Variants in TNFAIP6 observed in about 807,000 individuals in gnomAD.
TNFAIP6 encodes the protein TNF alpha induced protein 6, also known as tumor necrosis factor-inducible gene 6 protein.
TNFAIP6 carries 36 observed loss-of-function variants against 33.7 expected under a neutral mutation model. That is an observed-to-expected ratio of 1.07 (90% CI 0.82 to 1.41). The LOEUF is 1.41. TNFAIP6 is among the 40% of genes most tolerant of loss of function. TNFAIP6 has a pLI of 0.00. For synonymous variants in TNFAIP6, 113 were observed against 112.8 expected, an observed-to-expected ratio of 1.00 and a Z score of -0.01; for missense variants, 273 against 331.9, an observed-to-expected ratio of 0.82 and a Z score of 1.38.
At chr2:151,359,580 G>A (rs990314619) in intron 1 of TNFAIP6, among the ~76,000 whole-genome samples, 32 of 152,146 alleles carry the variant, frequency 2.1e-4, no homozygotes, top group Non-Finnish European at 3.8e-4. Context: ...AGTAGAGACA[G>A]AGTTTCACCA....
At chr2:151,374,165 A>T (rs562946586) in intron 5 of TNFAIP6, among the ~76,000 whole-genome samples, 257 of 152,340 alleles carry the variant, frequency 1.7e-3, no homozygotes, top group African/African-American at 5.9e-3. Flanking sequence ...GGATCTTTTA[A>T]TATGCTAATC....
chr2:151,361,650 A>G (rs1159476930), intron 1 of TNFAIP6, among the ~76,000 whole-genome samples: 1 of 152,214 alleles, frequency 6.6e-6, no homozygotes, highest in Non-Finnish European at 1.5e-5. Context: ...AAGAAATTCA[A>G]AATATTCACT....
intron 5 of TNFAIP6, 48 bp from the exon 6 acceptor site, chr2:151,379,316 T>C: frequency 6.6e-7 from 1 of 1,524,228 alleles, no homozygotes; most frequent in Non-Finnish European, 8.8e-7. Context: ...GTCAGCCAAA[T>C]CAAAGGAGAG....
At chr2:151,369,173 G>C (rs1327986973) in intron 3 of TNFAIP6, among the ~76,000 whole-genome samples, 1 of 152,010 alleles carries the variant, frequency 6.6e-6, no homozygotes, top group Non-Finnish European at 1.5e-5. Context: ...CTGGGCAACA[G>C]AGTGAGACTC....
At chr2:151,368,741 C>T (rs189697238) in intron 3 of TNFAIP6, among the ~76,000 whole-genome samples, 23 of 151,964 alleles carry the variant, frequency 1.5e-4, no homozygotes, top group East Asian at 1.4e-3. Flanking sequence ...AAGTCTCTTG[C>T]GATCATGAAA....
intron 5 of TNFAIP6, 140 bp from the exon 6 acceptor site, chr2:151,379,224 G>A (rs2152020141): frequency 1.3e-6 from 1 of 766,998 alleles, no homozygotes; most frequent in Non-Finnish European, 2.0e-6. Flanking sequence ...AGACTCTTCA[G>A]CTTGAGAATC....
chr2:151,380,289 T>C (rs1684992334), downstream of TNFAIP6, among the ~76,000 whole-genome samples: 1 of 152,178 alleles, frequency 6.6e-6, no homozygotes, highest in African/African-American at 2.4e-5. Context: ...ATCTTCTCTA[T>C]TGATTTGTTA....
At chr2:151,375,997 G>A (rs1480848238) in intron 5 of TNFAIP6, among the ~76,000 whole-genome samples, 6 of 152,122 alleles carry the variant, frequency 3.9e-5, no homozygotes, top group African/African-American at 1.4e-4. Context: ...TGTAATTCTA[G>A]CATTTTGTGA....
chr2:151,379,282 A>G (rs1390868274), intron 5 of TNFAIP6, 82 bp from the exon 6 acceptor site: 4 of 1,253,664 alleles, frequency 3.2e-6, no homozygotes, highest in Admixed American at 2.6e-5. Flanking sequence ...ATATTCTCCT[A>G]TGAGAATGAA....
chr2:151,373,422 A>T, intron 4 of TNFAIP6, 127 bp from the exon 5 acceptor site: 1 of 457,464 alleles, frequency 2.2e-6, no homozygotes. Context: ...GTAAAATAAC[A>T]ATAGAAATTT....
rs1684705803 is a variant in TNFAIP6, at chr2:151,366,166, A to G, written c.343A>G (p.Ile115Val). The G allele has an allele frequency of 6.2e-7, 1 of 1,614,036 alleles. No homozygotes were observed. The highest frequency in any genetic ancestry group is 8.5e-7 in the Non-Finnish European group (1 of 1,179,998). The change falls in exon 3 of 6, where the codon ATC (isoleucine) becomes GTC (valine). Residue 115 changes from isoleucine to valine, a missense_variant. Coordinates refer to ENST00000243347, the MANE Select transcript of TNFAIP6 (RefSeq NM_007115.4). ...AAAAACTGGCATTATTGATTATGGA[A>G]TCCGTCTCAATAGGAGTGAAAGATG... The part of the protein sequence containing the change: ...FGKTGIIDYG[I>V]RLNRSERWDA...
In TNFAIP6 at chr2:151,364,052, C is replaced by A. The variant is rs763538732; in HGVS notation, c.204C>A (p.Tyr68Ter). 1.9e-6 allele frequency: 3 copies of A among 1,614,088 alleles called. No individual in the cohort carries two copies. The highest frequency in any genetic ancestry group is 2.2e-5 in the East Asian group (1 of 44,858). The change falls in exon 2 of 6, where the codon TAC (tyrosine) becomes TAA (stop). Residue 68 changes from tyrosine to a stop codon, truncating the protein, a stop_gained. Coordinates refer to ENST00000243347, the MANE Select transcript of TNFAIP6 (RefSeq NM_007115.4). LOFTEE classifies it high-confidence loss of function. The part of the protein sequence containing the change: ...CEFEGGHLAT[Y>*]KQLEAARKIG... ...TTGAAGGCGGCCATCTCGCAACTTA[C>A]AAGCAGCTAGAGGCAGCCAGAAAAA... is the stretch of plus-strand genomic sequence containing the variant.
intron 4 of TNFAIP6, among the ~76,000 whole-genome samples, chr2:151,370,964 A>G (rs1004333280): frequency 5.3e-5 from 8 of 151,680 alleles, no homozygotes; most frequent in Admixed American, 5.3e-4. Flanking sequence ...CCAGCTACTC[A>G]GGAGGCTGAG....
intron 5 of TNFAIP6, 87 bp downstream of exon 5, chr2:151,373,676 G>A (rs547590121): frequency 4.6e-4 from 288 of 619,436 alleles, no homozygotes; most frequent in Non-Finnish European, 6.1e-4. Flanking sequence ...ATAGTAAATA[G>A]TAGTTATTAT....
intron 5 of TNFAIP6, among the ~76,000 whole-genome samples, chr2:151,378,523 TTG>T (rs1684957189): frequency 6.6e-6 from 1 of 151,596 alleles, no homozygotes; most frequent in Middle Eastern, 3.2e-3. Context: ...AGTTTTGCTC[TTG>T]TTGCCCAGGC....
At chr2:151,363,846 A>G in intron 1 of TNFAIP6, 97 bp from the exon 2 acceptor site, 1 of 1,472,980 alleles carries the variant, frequency 6.8e-7, no homozygotes, top group Non-Finnish European at 9.1e-7. Flanking sequence ...TTTGGCAGGA[A>G]CAATAGCTGT....
intron 5 of TNFAIP6, among the ~76,000 whole-genome samples, chr2:151,375,684 G>T (rs1311028728): frequency 1.3e-5 from 2 of 151,580 alleles, no homozygotes; most frequent in African/African-American, 2.4e-5. Context: ...CTCCAGCCTG[G>T]GTGACAGAGC....
intron 5 of TNFAIP6, among the ~76,000 whole-genome samples, chr2:151,377,824 C>T (rs1301899609): frequency 6.6e-6 from 1 of 151,882 alleles, no homozygotes; most frequent in Non-Finnish European, 1.5e-5. Flanking sequence ...GGCAAATCTT[C>T]CAAATATGAG....
At chr2:151,374,744 A>G (rs1338646207) in intron 5 of TNFAIP6, among the ~76,000 whole-genome samples, 1 of 152,222 alleles carries the variant, frequency 6.6e-6, no homozygotes, top group African/African-American at 2.4e-5. Flanking sequence ...TTGAAAATAT[A>G]TTTTATATTA....
Sources: allele counts gnomAD v4.1 joint callset (sites outside exome capture counted in the v4.1 genomes callset), GRCh38; gene constraint gnomAD v4.1.1; transcripts MANE v1.5; gene names NCBI Gene and HGNC (gene_info 2026-07-23, HGNC 2026-07-21).